Variants in SYT14 observed in about 807,000 individuals in gnomAD.
The protein encoded by SYT14 is synaptotagmin-14.
SYT14 carries 32 observed loss-of-function variants against 74.2 expected under a neutral mutation model. The observed-to-expected ratio is 0.43, with a 90% CI of 0.33 to 0.58. The LOEUF (loss-of-function observed/expected upper bound fraction) is 0.58. Among genes scored for constraint, SYT14 ranks in the 20% least tolerant of loss-of-function variants. The pLI, the probability that SYT14 is intolerant of heterozygous loss-of-function variation, is 0.05. For synonymous variants in SYT14, 298 were observed against 337.7 expected (o/e 0.88, Z 1.29); for missense variants, 791 against 981.8 (o/e 0.81, Z 2.60).
rs573455853 is a variant in SYT14, at chr1:210,010,548, C to T, written c.-485-3085C>T. Among the ~76,000 whole-genome samples the T allele has an allele frequency of 1.5e-4, 23 of 152,206 alleles. No homozygotes were observed. The South Asian group carries it at 3.3e-3, about 22-fold the overall frequency. On this transcript the variant is annotated intron_variant, in intron 2 of 9. Coordinates refer to ENST00000637265, the Ensembl canonical transcript of SYT14. ...TACTCAAGTGTCATCTCTTCTAAAG[C>T]GTTTTATGACTTTCTCAGGTAGTGC...
In SYT14 at chr1:210,156,366, C is replaced by CT. The variant is rs555843867; in HGVS notation, c.2224+466dup. On this transcript the variant is annotated intron_variant, in intron 8 of 9. Coordinates refer to ENST00000637265, the Ensembl canonical transcript of SYT14. ...GATTTAAGAAGAAACTATTACTTCACTTTTTTTTTTCTTCTTTAAAATTAT... is the reference window on the plus strand; with the variant it reads ...GATTTAAGAAGAAACTATTACTTCACTTTTTTTTTTTCTTCTTTAAAATTAT... Among the ~76,000 whole-genome samples, 32 of 149,818 alleles carry CT rather than the reference C, an allele frequency of 2.1e-4. 2 individuals carry two copies. In the South Asian group the frequency reaches 3.2e-3, roughly 15 times the overall value.
intron 7 of SYT14, among the ~76,000 whole-genome samples, chr1:210,138,567 T>TA (rs1314843065): frequency 6.6e-6 from 1 of 152,212 alleles, no homozygotes; most frequent in African/African-American, 2.4e-5. Flanking sequence ...TTGGTGTTGA[T>TA]ATATTGTTTA....
chr1:210,094,198 A>T, intron 5 of SYT14, 124 bp from the exon 5 acceptor site: 1 of 1,291,416 alleles, frequency 7.7e-7, no homozygotes, highest in Non-Finnish European at 1.1e-6. Context: ...TCATTAGTAA[A>T]TCTAATAGTT....
intron 5 of SYT14, among the ~76,000 whole-genome samples, chr1:210,087,555 C>G (rs2081761939): frequency 2.6e-5 from 4 of 152,140 alleles, no homozygotes. Flanking sequence ...TCTGACTCCC[C>G]TCACTGGGCC....
intron 2 of SYT14, among the ~76,000 whole-genome samples, chr1:209,991,214 G>T (rs1447069510): frequency 6.6e-6 from 1 of 152,140 alleles, no homozygotes; most frequent in Non-Finnish European, 1.5e-5. Context: ...CCAGACATTG[G>T]CCTAGACCAA....
chr1:210,012,732 C>T (rs370245609), intron 2 of SYT14, among the ~76,000 whole-genome samples: 86 of 149,004 alleles, frequency 5.8e-4, no homozygotes, highest in African/African-American at 2.1e-3. Context: ...GAAACAGTCT[C>T]GCTTTGTCAC....
At chr1:209,947,543 G>A (rs1298339385) in intron 1 of SYT14, among the ~76,000 whole-genome samples, 1 of 152,198 alleles carries the variant, frequency 6.6e-6, no homozygotes, top group South Asian at 2.1e-4. Context: ...TGACTACATT[G>A]CTGAAATCTC....
At chr1:210,096,633 CAA>C (rs1457069193) in intron 6 of SYT14, among the ~76,000 whole-genome samples, 1 of 152,174 alleles carries the variant, frequency 6.6e-6, no homozygotes, top group Admixed American at 6.5e-5. Context: ...ACAAGGGTAT[CAA>C]GAGCCAACAG....
At chr1:210,085,372 T>A (rs944404972) in intron 5 of SYT14, among the ~76,000 whole-genome samples, 1 of 152,206 alleles carries the variant, frequency 6.6e-6, no homozygotes, top group African/African-American at 2.4e-5. Flanking sequence ...CTTCTTTTTC[T>A]CCCCTTATTG....
At chr1:210,099,306 A>T (rs1334568) in intron 6 of SYT14, among the ~76,000 whole-genome samples, 101,609 of 151,996 alleles carry the variant, frequency 0.67, 34,989 homozygotes, top group East Asian at 0.85. Context: ...ATAATTAAAA[A>T]CTACCGTTAC....
chr1:210,051,443 T>C (rs576843060), intron 5 of SYT14, among the ~76,000 whole-genome samples: 17 of 152,188 alleles, frequency 1.1e-4, no homozygotes, highest in African/African-American at 4.1e-4. Flanking sequence ...TGTAAAACAT[T>C]AGTCTAAATT....
At chr1:209,990,889 T>A (rs2079671822) in intron 2 of SYT14, among the ~76,000 whole-genome samples, 1 of 152,114 alleles carries the variant, frequency 6.6e-6, no homozygotes, top group Non-Finnish European at 1.5e-5. Flanking sequence ...GACTTCAAAT[T>A]ATACTGCAAG....
intron 7 of SYT14, among the ~76,000 whole-genome samples, chr1:210,140,688 G>T (rs556503021): frequency 1.2e-3 from 177 of 152,202 alleles, no homozygotes; most frequent in African/African-American, 3.9e-3. Context: ...TACGGTGTGA[G>T]GGAGAGGTCC....
chr1:210,106,052 G>T (rs1371658908), intron 7 of SYT14, among the ~76,000 whole-genome samples: 5 of 152,172 alleles, frequency 3.3e-5, no homozygotes, highest in African/African-American at 1.2e-4. Flanking sequence ...ACATAAGAAT[G>T]GCCTAACACA....
At chr1:210,025,060 C>T (rs2080381591) in intron 5 of SYT14, among the ~76,000 whole-genome samples, 1 of 152,144 alleles carries the variant, frequency 6.6e-6, no homozygotes, top group Non-Finnish European at 1.5e-5. Context: ...CTATTCTCTC[C>T]TTATCAACTT....
chr1:210,035,352 C>T (rs955549616), intron 5 of SYT14, among the ~76,000 whole-genome samples: 1 of 151,864 alleles, frequency 6.6e-6, no homozygotes, highest in African/African-American at 2.4e-5. Context: ...AATATTTTCT[C>T]CCATTTTTCA....
exon 6 of SYT14, chr1:210,094,555 G>C: frequency 6.2e-7 from 1 of 1,613,930 alleles, no homozygotes; most frequent in Admixed American, 1.7e-5. Flanking sequence ...ATATGAAGAA[G>C]ATGTTCCAAG....
chr1:210,071,923 A>G (rs2081402278), intron 5 of SYT14, among the ~76,000 whole-genome samples: 2 of 151,812 alleles, frequency 1.3e-5, no homozygotes, highest in African/African-American at 4.8e-5. Flanking sequence ...CCTATGAGAT[A>G]TTGTCTTTCA....
intron 9 of SYT14, 128 bp downstream of exon 8, chr1:210,159,605 A>G (rs1049105627): frequency 1.0e-5 from 8 of 798,294 alleles, no homozygotes; most frequent in Non-Finnish European, 1.7e-5. Flanking sequence ...TATCTGTGGT[A>G]CTTTAAATAA....
Sources: allele counts gnomAD v4.1 joint callset (sites outside exome capture counted in the v4.1 genomes callset), GRCh38; gene constraint gnomAD v4.1.1; transcripts MANE v1.5; gene names NCBI Gene and HGNC (gene_info 2026-07-23, HGNC 2026-07-21).